The following SGMS1 variants were observed in gnomAD, a reference collection of about 807,000 sequenced individuals.
SGMS1 encodes phosphatidylcholine:ceramide cholinephosphotransferase 1.
SGMS1 carries 13 observed loss-of-function variants against 46.2 expected under a neutral mutation model. The ratio of observed to expected loss-of-function variants is 0.28; its 90% confidence interval spans 0.18 to 0.45. SGMS1 has a LOEUF of 0.45. Among genes scored for constraint, SGMS1 ranks in the 20% least tolerant of loss-of-function variants. The pLI is 1.00. For missense variants in SGMS1, 324 were observed against 519.9 expected (o/e 0.62, Z 3.66); for synonymous variants, 203 against 187.8 (o/e 1.08, Z -0.66).
chr10:50,500,760 T>C (rs562439784), intron 3 of SGMS1, among the ~76,000 whole-genome samples: 10 of 152,230 alleles, frequency 6.6e-5, no homozygotes, highest in Non-Finnish European at 1.0e-4. Context: ...AAGTCCATAC[T>C]AACTTTTTTC....
chr10:50,321,678 A>G (rs1030687029), intron 8 of SGMS1, among the ~76,000 whole-genome samples: 3 of 152,236 alleles, frequency 2.0e-5, no homozygotes, highest in African/African-American at 7.2e-5. Flanking sequence ...GATGGCAGGA[A>G]GTTATTTTGG....
At chr10:50,507,199 T>G (rs919396650) in intron 3 of SGMS1, among the ~76,000 whole-genome samples, 1 of 152,168 alleles carries the variant, frequency 6.6e-6, no homozygotes, top group Non-Finnish European at 1.5e-5. Flanking sequence ...CCTAAAACCC[T>G]GAGAATAAGT....
chr10:50,479,981 T>C (rs1461572556), intron 3 of SGMS1, among the ~76,000 whole-genome samples: 1 of 152,220 alleles, frequency 6.6e-6, no homozygotes, highest in Non-Finnish European at 1.5e-5. Flanking sequence ...ATTAGGAATA[T>C]TTTTGTAAAA....
chr10:50,575,680 G>A (rs867368755), intron 2 of SGMS1, among the ~76,000 whole-genome samples: 1 of 142,406 alleles, frequency 7.0e-6, no homozygotes, highest in African/African-American at 2.4e-5. Context: ...GACTGTGGTG[G>A]TGGTAATACA....
intron 2 of SGMS1, among the ~76,000 whole-genome samples, chr10:50,547,555 C>G (rs11006102): frequency 0.29 from 43,532 of 151,984 alleles, 7,042 homozygotes; most frequent in Middle Eastern, 0.38. Context: ...TAATAAATAG[C>G]CTAGCAACCA....
At chr10:50,581,787 C>T (rs1218090035) in intron 2 of SGMS1, among the ~76,000 whole-genome samples, 2 of 152,190 alleles carry the variant, frequency 1.3e-5, no homozygotes, top group East Asian at 1.9e-4. Context: ...AATACTCAGA[C>T]ACCACATCCT....
chr10:50,520,708 T>A (rs892677029), intron 2 of SGMS1, among the ~76,000 whole-genome samples: 13 of 152,174 alleles, frequency 8.5e-5, no homozygotes, highest in African/African-American at 3.1e-4. Context: ...TACTCATAGA[T>A]ACGCCAACAG....
At chr10:50,380,183 C>T (rs1244679765) in intron 6 of SGMS1, among the ~76,000 whole-genome samples, 1 of 151,978 alleles carries the variant, frequency 6.6e-6, no homozygotes, top group African/African-American at 2.4e-5. Flanking sequence ...ATGTTTGAGA[C>T]CAGCCTGGCC....
intron 1 of SGMS1, among the ~76,000 whole-genome samples, chr10:50,612,169 A>C (rs1336925498): frequency 6.6e-6 from 1 of 152,156 alleles, no homozygotes; most frequent in Non-Finnish European, 1.5e-5. Flanking sequence ...TCCCTTCCAA[A>C]TTTAAGCATC....
At chr10:50,382,254 A>G (rs947136588) in intron 6 of SGMS1, among the ~76,000 whole-genome samples, 1 of 152,188 alleles carries the variant, frequency 6.6e-6, no homozygotes, top group Non-Finnish European at 1.5e-5. Flanking sequence ...AGGAAATTAA[A>G]CAAATCAGTG....
chr10:50,622,827 C>G (rs2131951827), intron 1 of SGMS1, among the ~76,000 whole-genome samples: 1 of 152,382 alleles, frequency 6.6e-6, no homozygotes, highest in Non-Finnish European at 1.5e-5. Flanking sequence ...CTAGGGCACT[C>G]TATCCGGCCC....
intron 2 of SGMS1, among the ~76,000 whole-genome samples, chr10:50,528,435 G>A (rs538367297): frequency 6.6e-6 from 1 of 152,134 alleles, no homozygotes; most frequent in Non-Finnish European, 1.5e-5. Context: ...ATTGACTCCA[G>A]GTCACACTAT....
At chr10:50,563,014 C>G (rs1838255177) in intron 2 of SGMS1, among the ~76,000 whole-genome samples, 1 of 152,172 alleles carries the variant, frequency 6.6e-6, no homozygotes, top group South Asian at 2.1e-4. Context: ...AAAAGAAAAC[C>G]TCTGCATTAA....
At chr10:50,596,250 C>T (rs1838591404) in intron 1 of SGMS1, among the ~76,000 whole-genome samples, 2 of 150,298 alleles carry the variant, frequency 1.3e-5, no homozygotes, top group Non-Finnish European at 2.9e-5. Flanking sequence ...GATCTCAGCT[C>T]ACCGCAACCT....
rs184813258 is a variant in SGMS1 at position 50,306,759 on chromosome 10, T to A, written c.*383A>T. 9.2e-4 allele frequency: 145 copies of A among 157,210 alleles called. No individual in the cohort carries two copies. The highest frequency in any genetic ancestry group is 3.4e-3 in the African/African-American group (141 of 41,742). The allele number at this position is 157,210 out of a possible 1,614,324, so 9.7% of individuals were successfully genotyped here. Reference sequence around the variant, plus strand: ...AGCCCAATCTTTGGGGCAAGAGATATGAAAAGTATGTTTTCCCAAGAAAAT... The same window carrying A: ...AGCCCAATCTTTGGGGCAAGAGATAAGAAAAGTATGTTTTCCCAAGAAAAT... On this transcript the variant is annotated 3_prime_UTR_variant, in exon 11 of 11. Transcript: ENST00000361781.
chr10:50,428,425 T>C (rs1187940562), intron 6 of SGMS1, among the ~76,000 whole-genome samples: 3 of 151,980 alleles, frequency 2.0e-5, no homozygotes, highest in African/African-American at 7.3e-5. Flanking sequence ...TTCTGTAGAG[T>C]AGGAGAGTAT....
chr10:50,550,750 T>C (rs2133831716), intron 2 of SGMS1, among the ~76,000 whole-genome samples: 1 of 152,304 alleles, frequency 6.6e-6, no homozygotes, highest in African/African-American at 2.4e-5. Flanking sequence ...ATTCTAGGTC[T>C]GGGGCAAGCA....
chr10:50,613,042 G>A (rs1588892997), intron 1 of SGMS1, among the ~76,000 whole-genome samples: 1 of 152,174 alleles, frequency 6.6e-6, no homozygotes, highest in African/African-American at 2.4e-5. Flanking sequence ...TTCTCCCTTT[G>A]GGGGCTGACC....
At chr10:50,409,399 T>G (rs917889016) in intron 6 of SGMS1, among the ~76,000 whole-genome samples, 3 of 152,214 alleles carry the variant, frequency 2.0e-5, no homozygotes, top group African/African-American at 7.2e-5. Context: ...ATAATCCCAT[T>G]TATTCCCTGA....
Sources: gnomAD v4.1 joint callset for allele counts (sites outside exome capture counted in the v4.1 genomes callset) on GRCh38, gnomAD v4.1.1 for gene constraint, MANE v1.5 for transcripts, NCBI Gene and HGNC (gene_info 2026-07-23, HGNC 2026-07-21) for gene names.